CDH4: variants seen among roughly 807,000 people sequenced by gnomAD.
CDH4 encodes cadherin 4.
Under a neutral mutation model 86.0 loss-of-function variants are expected in CDH4, and 33 were observed. That is an observed-to-expected ratio of 0.38 (90% CI 0.29 to 0.51). The LOEUF (loss-of-function observed/expected upper bound fraction) is 0.51, where lower values mean the gene tolerates loss of function less well. Ranked by LOEUF, CDH4 falls within the 20% of genes least tolerant of loss-of-function variation. The probability of loss-of-function intolerance (pLI) is 0.86; values close to 1 mark genes in which losing one functional copy is unlikely to be tolerated. For missense variants in CDH4, 1,114 were observed against 1,307.4 expected, an observed-to-expected ratio of 0.85 and a Z score of 2.28; for synonymous variants, 555 against 549.4, an observed-to-expected ratio of 1.01 and a Z score of -0.14.
chr20:61,842,484 A>G (rs566308836), intron 4 of CDH4, among the ~76,000 whole-genome samples: 39 of 152,326 alleles, frequency 2.6e-4, no homozygotes, highest in African/African-American at 8.4e-4. Flanking sequence ...TTTAGAAGGA[A>G]TTTCCTGAAG....
chr20:61,692,459 T>C (rs1025427064), intron 2 of CDH4, among the ~76,000 whole-genome samples: 2 of 152,216 alleles, frequency 1.3e-5, no homozygotes, highest in Non-Finnish European at 2.9e-5. Flanking sequence ...TTGAAATAGA[T>C]AGACTGACAT....
chr20:61,410,822 C>G (rs1339611746), intron 2 of CDH4, among the ~76,000 whole-genome samples: 1 of 151,926 alleles, frequency 6.6e-6, no homozygotes, highest in Non-Finnish European at 1.5e-5. Flanking sequence ...TCTTCCATTC[C>G]TCCCACTGGT....
rs1156875679 is a variant in CDH4 at position 61,296,321 on chromosome 20, G to A, written c.169+41384G>A. On this transcript the variant is annotated intron_variant, in intron 2 of 15. Coordinates refer to ENST00000614565, the MANE Select transcript of CDH4 (RefSeq NM_001794.5). ...TGCGTGGGTGCGTGTGTGTGCATGC[G>A]TGCGTGTGTGTGTGTGTGTGAGAGA... 5.3e-5 allele frequency among the ~76,000 whole-genome samples: 8 copies of A among 150,896 alleles called. No individual in the cohort carries two copies. In the East Asian group the frequency reaches 7.8e-4, roughly 15 times the overall value.
chr20:61,253,885 C>T (rs1197873586), intron 1 of CDH4, among the ~76,000 whole-genome samples: 1 of 152,192 alleles, frequency 6.6e-6, no homozygotes, highest in East Asian at 1.9e-4. Context: ...GCGGGCTGCA[C>T]CCGAGGCTTC....
intron 2 of CDH4, among the ~76,000 whole-genome samples, chr20:61,605,075 A>G (rs910702947): frequency 3.9e-4 from 60 of 152,170 alleles, no homozygotes; most frequent in African/African-American, 1.2e-3. Context: ...TCAAGTCTCC[A>G]TCAAATGCAA....
At chr20:61,554,787 T>G (rs973478844) in intron 2 of CDH4, among the ~76,000 whole-genome samples, 1 of 152,226 alleles carries the variant, frequency 6.6e-6, no homozygotes, top group Non-Finnish European at 1.5e-5. Context: ...TGTGAACATG[T>G]TTTCACACGT....
At chr20:61,731,119 C>T (rs1043333133) in intron 2 of CDH4, among the ~76,000 whole-genome samples, 7 of 152,098 alleles carry the variant, frequency 4.6e-5, no homozygotes, top group Admixed American at 6.5e-5. Flanking sequence ...CCCATCACGG[C>T]AGGGTCCTCT....
In CDH4 at chr20:61,810,303, G is replaced by A. The variant is rs1371100744; in HGVS notation, c.577-34365G>A. On this transcript the variant is annotated intron_variant, in intron 4 of 15. Transcript: ENST00000614565. The surrounding 1 kb of genome is among the most constrained non-coding windows in gnomAD (Gnocchi z 4.3). ...GCTATCCACCGGGCCAGTCGGGGCGGCTGTGCCAGGCTGTCGTCCCCCCCA... is the reference window on the plus strand; with the variant it reads ...GCTATCCACCGGGCCAGTCGGGGCGACTGTGCCAGGCTGTCGTCCCCCCCA... Among the ~76,000 whole-genome samples, 2 of 152,222 alleles carry A rather than the reference G, an allele frequency of 1.3e-5. No homozygotes were observed. The highest frequency in any genetic ancestry group is 3.9e-4 in the East Asian group (2 of 5,194).
intron 2 of CDH4, among the ~76,000 whole-genome samples, chr20:61,547,483 G>A (rs915353103): frequency 4.0e-5 from 6 of 151,542 alleles, no homozygotes; most frequent in Non-Finnish European, 8.8e-5. Context: ...CAAAGTGCTG[G>A]GATTACAGGC....
At chr20:61,483,199 TG>T (rs1316226294) in intron 2 of CDH4, among the ~76,000 whole-genome samples, 1 of 151,838 alleles carries the variant, frequency 6.6e-6, no homozygotes, top group African/African-American at 2.4e-5. Context: ...AAAGAGAGAG[TG>T]CTTGAGCTAC....
At chr20:61,650,797 A>G (rs577314577) in intron 2 of CDH4, among the ~76,000 whole-genome samples, 10 of 152,376 alleles carry the variant, frequency 6.6e-5, no homozygotes, top group Non-Finnish European at 1.5e-4. Context: ...TAGTTTTTCC[A>G]AGAGCTAACA....
At chr20:61,264,722 C>A (rs1030044010) in intron 2 of CDH4, among the ~76,000 whole-genome samples, 8 of 145,926 alleles carry the variant, frequency 5.5e-5, no homozygotes, top group African/African-American at 2.1e-4. Flanking sequence ...CCTACACATA[C>A]CCCAGTGGCT....
intron 2 of CDH4, among the ~76,000 whole-genome samples, chr20:61,621,123 T>C (rs961467544): frequency 6.6e-6 from 1 of 152,238 alleles, no homozygotes; most frequent in Admixed American, 6.5e-5. Context: ...AGTATTTCTT[T>C]AGTCAAAGGT....
At chr20:61,521,965 T>C (rs1040856092) in intron 2 of CDH4, among the ~76,000 whole-genome samples, 5 of 152,238 alleles carry the variant, frequency 3.3e-5, no homozygotes, top group African/African-American at 1.2e-4. Flanking sequence ...TAGATCTTGG[T>C]GTAACTGGTT....
intron 4 of CDH4, among the ~76,000 whole-genome samples, chr20:61,835,428 T>C (rs1981826180): frequency 6.6e-6 from 1 of 152,116 alleles, no homozygotes; most frequent in Admixed American, 6.5e-5. Context: ...TTCCACTGGG[T>C]GTGGTAGGCA....
At chr20:61,587,317 C>T (rs981316692) in intron 2 of CDH4, among the ~76,000 whole-genome samples, 1 of 152,142 alleles carries the variant, frequency 6.6e-6, no homozygotes, top group Non-Finnish European at 1.5e-5. Flanking sequence ...TTTCTTTCTC[C>T]ACCTCTGCCG....
rs983635704 is a variant in CDH4, at chr20:61,544,965, C to CT, written c.170-198597dup. ...ATATCCAGGTAGACAAGTAGGGTGA[C>CT]TAGCAAATGACCCTTGAGCAGCCCT... On this transcript the variant is annotated intron_variant, in intron 2 of 15. Coordinates refer to ENST00000614565, the MANE Select transcript of CDH4 (RefSeq NM_001794.5). The surrounding 1 kb of genome is among the most constrained non-coding windows in gnomAD (Gnocchi z 6.5). 2.6e-5 allele frequency among the ~76,000 whole-genome samples: 4 copies of CT among 152,162 alleles called. No homozygotes were observed. The highest frequency in any genetic ancestry group is 4.8e-5 in the African/African-American group (2 of 41,438).
At chr20:61,556,750 A>G (rs2086180765) in intron 2 of CDH4, among the ~76,000 whole-genome samples, 1 of 151,956 alleles carries the variant, frequency 6.6e-6, no homozygotes, top group African/African-American at 2.4e-5. Flanking sequence ...GGTGCCCCCC[A>G]CCTTGGTGCT....
intron 2 of CDH4, among the ~76,000 whole-genome samples, chr20:61,459,760 C>T (rs2085431322): frequency 6.6e-6 from 1 of 151,826 alleles, no homozygotes; most frequent in East Asian, 1.9e-4. Context: ...GGAGTTAGGC[C>T]GGGATCTGGG....
Sources: allele counts gnomAD v4.1 joint callset (sites outside exome capture counted in the v4.1 genomes callset), GRCh38; gene constraint gnomAD v4.1.1; non-coding constraint Gnocchi (gnomAD v3.1); transcripts MANE v1.5; gene names NCBI Gene and HGNC (gene_info 2026-07-23, HGNC 2026-07-21).